FHOD3: variants seen among roughly 807,000 people sequenced by gnomAD.
FHOD3 encodes FH1/FH2 domain-containing protein 3.
Under a neutral mutation model 173.0 loss-of-function variants are expected in FHOD3, and 90 were observed. That is an observed-to-expected ratio of 0.52 (90% CI 0.44 to 0.62). The LOEUF (loss-of-function observed/expected upper bound fraction) is 0.62. Ranked by LOEUF, FHOD3 falls within the 20% of genes least tolerant of loss-of-function variation. The pLI, the probability that FHOD3 is intolerant of heterozygous loss-of-function variation, is 0.00. For synonymous variants in FHOD3, 828 were observed against 823.0 expected (o/e 1.01, Z -0.10); for missense variants, 1,945 against 2,034.7 (o/e 0.96, Z 0.85).
At chr18:36,748,365 C>T (rs1234246488) in intron 24 of FHOD3, among the ~76,000 whole-genome samples, 1 of 131,548 alleles carries the variant, frequency 7.6e-6, no homozygotes, top group African/African-American at 3.1e-5. Flanking sequence ...CACGCACGCG[C>T]ACACACACAC....
chr18:36,744,594 T>C (rs1488858419), intron 23 of FHOD3, among the ~76,000 whole-genome samples: 1 of 152,144 alleles, frequency 6.6e-6, no homozygotes, highest in Non-Finnish European at 1.5e-5. Context: ...TGCAGTGAGG[T>C]GTGGAGCCAG....
chr18:36,483,123 G>A lies in FHOD3; in HGVS notation c.338-18809G>A, dbSNP rs138641310. 2.9e-3 allele frequency among the ~76,000 whole-genome samples: 438 copies of A among 152,224 alleles called. 2 individuals carry two copies. The highest frequency in any genetic ancestry group is 0.01 in the African/African-American group (418 of 41,550). On this transcript the variant is annotated intron_variant, in intron 3 of 28. Coordinates refer to ENST00000590592, the MANE Select transcript of FHOD3 (RefSeq NM_001281740.3). ...AGACTGCTTTGTGAGTGGGAGGATT[G>A]GAAGAATTTGGGATTTTGGGGAATT...
At position 36,625,568 on chromosome 18, in the gene FHOD3, C is replaced by T. The variant is rs199822186; in HGVS notation, c.1015C>T (p.Arg339Trp). 5.0e-5 allele frequency: 77 copies of T among 1,525,296 alleles called. No homozygotes were observed. The highest frequency in any genetic ancestry group is 7.4e-5 in the South Asian group (6 of 80,902). 94.5% of individuals were successfully genotyped at this position (1,525,296 alleles called of 1,614,324 possible). Residue 339 changes from arginine to tryptophan, a missense_variant, in exon 10 of 29, where the codon CGG becomes TGG. By Grantham distance (101) the Arg-to-Trp change is moderately radical (BLOSUM62 -3). Transcript: ENST00000590592. Reference protein sequence around the residue: ...ETTEPPPSGCRDRRRASVCSS... With the variant: ...ETTEPPPSGCWDRRRASVCSS... ...CACGGAGCCACCCCCCAGTGGGTGC[C>T]GGGACCGGAGGAGGGCCAGCGTGTG...
At chr18:36,657,976 T>C (rs2036532319) in intron 13 of FHOD3, 99 bp from the exon 14 acceptor site, 2 of 856,908 alleles carry the variant, frequency 2.3e-6, no homozygotes. Flanking sequence ...CAGACCTGTT[T>C]CTCTTGCAAA....
chr18:36,760,595 C>T lies in FHOD3; in HGVS notation c.4450-13C>T. 6.4e-7 allele frequency: 1 copy of T among 1,552,698 alleles called. No individual in the cohort carries two copies. Among genetic ancestry groups the T allele is most frequent in the Non-Finnish European group, 8.7e-7 (1 of 1,144,110 alleles). On this transcript the variant is annotated splice_polypyrimidine_tract_variant and intron_variant, in intron 26 of 28. Transcript: ENST00000590592. ...AGTCTCCCTCACCTGCTAACTTCCCCTTGGTTTTGCAGTCTGGCAAGTTCT... is the reference window on the plus strand; with the variant it reads ...AGTCTCCCTCACCTGCTAACTTCCCTTTGGTTTTGCAGTCTGGCAAGTTCT...
At chr18:36,429,241 G>A (rs150191617) in intron 3 of FHOD3, among the ~76,000 whole-genome samples, 138 of 152,302 alleles carry the variant, frequency 9.1e-4, no homozygotes, top group African/African-American at 3.2e-3. Flanking sequence ...TAGAATGTTT[G>A]TGTCTGCTGT....
chr18:36,383,296 C>T (rs2047881572), intron 3 of FHOD3, among the ~76,000 whole-genome samples: 1 of 152,164 alleles, frequency 6.6e-6, no homozygotes, highest in South Asian at 2.1e-4. Context: ...TCACAGTGCT[C>T]TCATAATGTG....
At chr18:36,661,824 G>A (rs1418527894) in intron 14 of FHOD3, among the ~76,000 whole-genome samples, 1 of 152,124 alleles carries the variant, frequency 6.6e-6, no homozygotes, top group African/African-American at 2.4e-5. Flanking sequence ...TCCTATTATA[G>A]CTTTGTTAAT....
chr18:36,489,733 T>C (rs956292879), intron 3 of FHOD3, among the ~76,000 whole-genome samples: 2 of 152,130 alleles, frequency 1.3e-5, no homozygotes, highest in Admixed American at 1.3e-4. Context: ...TGAGAAAATA[T>C]GTAATTCAAA....
intron 4 of FHOD3, among the ~76,000 whole-genome samples, chr18:36,504,662 G>A (rs538926181): frequency 1.2e-3 from 179 of 152,046 alleles, no homozygotes; most frequent in Non-Finnish European, 1.9e-3. Context: ...GTTAATGGGT[G>A]CAGCACACCA....
intron 5 of FHOD3, among the ~76,000 whole-genome samples, chr18:36,519,955 A>ATTTTTTTTTTTTTTTTTTTTTTATT (rs11449846): frequency 7.6e-6 from 1 of 132,074 alleles, no homozygotes; most frequent in Non-Finnish European, 1.6e-5. Flanking sequence ...CTTTTCTTTC[A>ATTTTTTTTTTTTTTTTTTTTTTATT]TTTTTTTTTT....
chr18:36,330,924 A>G (rs1374075109), intron 1 of FHOD3, among the ~76,000 whole-genome samples: 1 of 152,152 alleles, frequency 6.6e-6, no homozygotes, highest in East Asian at 1.9e-4. Flanking sequence ...GCCCAGAGTG[A>G]GCATGCTCAT....
At chr18:36,755,518 TGTA>T (rs930789526) in intron 25 of FHOD3, among the ~76,000 whole-genome samples, 1 of 150,644 alleles carries the variant, frequency 6.6e-6, no homozygotes, top group Non-Finnish European at 1.5e-5. Context: ...AGCTAGGAGA[TGTA>T]AAGTTCAGAA....
chr18:36,434,699 A>G (rs1334662317), intron 3 of FHOD3, among the ~76,000 whole-genome samples: 2 of 152,072 alleles, frequency 1.3e-5, no homozygotes, highest in African/African-American at 2.4e-5. Flanking sequence ...TCAGGTGTGT[A>G]TCTTCATTTA....
At chr18:36,677,025 T>C (rs2037906362) in intron 14 of FHOD3, among the ~76,000 whole-genome samples, 1 of 152,336 alleles carries the variant, frequency 6.6e-6, no homozygotes, top group Non-Finnish European at 1.5e-5. Flanking sequence ...ATCAAATCTT[T>C]CCTTTTTGGT....
intron 27 of FHOD3, among the ~76,000 whole-genome samples, chr18:36,761,413 A>C (rs943598998): frequency 1.3e-5 from 2 of 152,152 alleles, no homozygotes; most frequent in African/African-American, 4.8e-5. Flanking sequence ...CTGGCCTGAT[A>C]ACCCATTGAC....
chr18:36,727,074 G>C (rs933445987), intron 19 of FHOD3, among the ~76,000 whole-genome samples: 1 of 152,134 alleles, frequency 6.6e-6, no homozygotes, highest in Non-Finnish European at 1.5e-5. Context: ...TGAGAAGTGG[G>C]GTTCTGGGTG....
At chr18:36,351,203 T>C (rs184411261) in intron 1 of FHOD3, among the ~76,000 whole-genome samples, 1 of 152,190 alleles carries the variant, frequency 6.6e-6, no homozygotes, top group Non-Finnish European at 1.5e-5. Context: ...CTGTGAGGAC[T>C]CCACATGAAG....
At chr18:36,740,134 G>A (rs140645321) in intron 20 of FHOD3, among the ~76,000 whole-genome samples, 36 of 152,222 alleles carry the variant, frequency 2.4e-4, no homozygotes, top group African/African-American at 8.2e-4. Flanking sequence ...AAGTAAAAAG[G>A]TATACTTTTT....
Sources: gnomAD v4.1 joint callset for allele counts (sites outside exome capture counted in the v4.1 genomes callset) on GRCh38, gnomAD v4.1.1 for gene constraint, MANE v1.5 for transcripts, NCBI Gene and HGNC (gene_info 2026-07-23, HGNC 2026-07-21) for gene names.